ADIPOR2: variants seen among roughly 807,000 people sequenced by gnomAD.
The protein encoded by ADIPOR2 is adiponectin receptor 2.
A neutral mutation model predicts 40.9 loss-of-function variants in ADIPOR2; 18 were observed. That is an observed-to-expected ratio of 0.44 (90% confidence interval 0.30 to 0.65). The LOEUF is 0.65. Ranked by LOEUF, ADIPOR2 falls within the 30% of genes least tolerant of loss-of-function variation. The pLI is 0.09. For synonymous variants in ADIPOR2, 165 were observed against 166.4 expected (o/e 0.99, Z 0.06); for missense variants, 283 against 479.2 (o/e 0.59, Z 3.82).
At chr12:1,718,248 CTT>C (rs929348885) in intron 1 of ADIPOR2, among the ~76,000 whole-genome samples, 4 of 151,992 alleles carry the variant, frequency 2.6e-5, no homozygotes, top group East Asian at 3.9e-4. Flanking sequence ...TAAAGTGACT[CTT>C]ATTTTAATCT....
chr12:1,705,834 A>C (rs150231608), intron 1 of ADIPOR2, among the ~76,000 whole-genome samples: 3 of 152,198 alleles, frequency 2.0e-5, no homozygotes, highest in Non-Finnish European at 4.4e-5. Context: ...TTGAAGTCCT[A>C]TAAGATGGTG....
Position 1,782,957 on chromosome 12 carries a change from TC to T in ADIPOR2, c.839-922del, listed in dbSNP as rs201429670. The stretch of plus-strand genomic sequence containing the variant: ...TTTTTTCTTCTTTTTTCTTTTCTTT[TC>T]TTTTTCTTTCTTTCTTTCTTTTTTT... On this transcript the variant is annotated intron_variant, in intron 6 of 7. Transcript: ENST00000357103. 2.4e-3 allele frequency among the ~76,000 whole-genome samples: 352 copies of T among 146,874 alleles called. 2 individuals are homozygous for T. Among genetic ancestry groups the T allele is most frequent in the African/African-American group, 8.9e-3 (338 of 38,106 alleles).
intron 1 of ADIPOR2, among the ~76,000 whole-genome samples, chr12:1,727,117 A>T (rs2094709507): frequency 6.6e-6 from 1 of 152,154 alleles, no homozygotes; most frequent in Admixed American, 6.5e-5. Flanking sequence ...GCAAACTCCA[A>T]CTCATTGGTT....
chr12:1,723,635 A>C (rs1277637224), intron 1 of ADIPOR2, among the ~76,000 whole-genome samples: 4 of 151,078 alleles, frequency 2.6e-5, no homozygotes, highest in South Asian at 4.3e-4. Flanking sequence ...GCAAGACTCC[A>C]TCTCAAAAAC....
chr12:1,753,895 AG>A (rs993036251), intron 1 of ADIPOR2, among the ~76,000 whole-genome samples: 12 of 152,312 alleles, frequency 7.9e-5, no homozygotes, highest in Middle Eastern at 6.8e-3. Context: ...AAAAAAATGC[AG>A]GCAGAACAAA....
At chr12:1,773,015 CAG>C in intron 3 of ADIPOR2, 54 bp downstream of exon 3, 3 of 1,585,304 alleles carry the variant, frequency 1.9e-6, no homozygotes, top group East Asian at 2.2e-5. Flanking sequence ...CCTTCCAAAA[CAG>C]AAACCTTTAA....
chr12:1,782,458 G>C (rs918530202), intron 6 of ADIPOR2, among the ~76,000 whole-genome samples: 8 of 152,174 alleles, frequency 5.3e-5, no homozygotes, highest in African/African-American at 1.9e-4. Flanking sequence ...GAGCTCCTGT[G>C]TTGCTTTGGC....
At chr12:1,731,522 C>T (rs1363488490) in intron 1 of ADIPOR2, among the ~76,000 whole-genome samples, 1 of 152,206 alleles carries the variant, frequency 6.6e-6, no homozygotes, top group Non-Finnish European at 1.5e-5. Context: ...GTTCTCTTCT[C>T]CCAGTTCCTG....
At chr12:1,773,573 G>GA (rs1862530565) in intron 3 of ADIPOR2, among the ~76,000 whole-genome samples, 1 of 143,614 alleles carries the variant, frequency 7.0e-6, no homozygotes, top group African/African-American at 2.6e-5. Context: ...CCTGCTTAGA[G>GA]AAAATAGACA....
At chr12:1,742,867 A>G (rs115926613) in intron 1 of ADIPOR2, among the ~76,000 whole-genome samples, 134 of 152,352 alleles carry the variant, frequency 8.8e-4, no homozygotes, top group African/African-American at 2.9e-3. Flanking sequence ...TACAAAAGCA[A>G]GGCAAGTGTG....
At chr12:1,756,356 G>A (rs1862130978) in intron 2 of ADIPOR2, among the ~76,000 whole-genome samples, 1 of 151,772 alleles carries the variant, frequency 6.6e-6, no homozygotes, top group South Asian at 2.1e-4. Flanking sequence ...TCACCATGTT[G>A]GCCAGGCTGG....
At chr12:1,738,079 T>C (rs1234201373) in intron 1 of ADIPOR2, among the ~76,000 whole-genome samples, 2 of 151,888 alleles carry the variant, frequency 1.3e-5, no homozygotes, top group African/African-American at 4.8e-5. Context: ...CTTATTAGTT[T>C]TAGTAGTTTA....
chr12:1,731,787 C>T (rs2094720862), intron 1 of ADIPOR2, among the ~76,000 whole-genome samples: 1 of 152,192 alleles, frequency 6.6e-6, no homozygotes, highest in African/African-American at 2.4e-5. Context: ...TGGTGAAACC[C>T]TGTCTTTACT....
At chr12:1,738,620 T>C (rs984800631) in intron 1 of ADIPOR2, among the ~76,000 whole-genome samples, 5 of 152,200 alleles carry the variant, frequency 3.3e-5, no homozygotes, top group African/African-American at 7.2e-5. Context: ...GACCATCTTA[T>C]CTTGAATTGC....
At chr12:1,705,943 TCA>T (rs1345073268) in intron 1 of ADIPOR2, among the ~76,000 whole-genome samples, 2 of 152,208 alleles carry the variant, frequency 1.3e-5, no homozygotes, top group Admixed American at 6.5e-5. Context: ...TCCGTGAACC[TCA>T]GTTTCTTCAT....
chr12:1,781,134 T>A (rs556055247), intron 6 of ADIPOR2, 58 bp downstream of exon 6: 6 of 1,451,950 alleles, frequency 4.1e-6, no homozygotes, highest in Non-Finnish European at 5.5e-6. Context: ...TTAAATTCAC[T>A]ATTTATTAAA....
Position 1,723,209 on chromosome 12 carries a change from G to A in ADIPOR2, c.-86-31049G>A, listed in dbSNP as rs530416394. 8.5e-5 allele frequency among the ~76,000 whole-genome samples: 13 copies of A among 152,292 alleles called. 1 individual carries two copies. Among genetic ancestry groups the A allele is most frequent in the Admixed American group, 2.0e-4 (3 of 15,294 alleles). ...CCTGTCAAAGCTATCTATGGCATAT[G>A]AATCGAACATGGATCATGTTTAATT... On this transcript the variant is annotated intron_variant, in intron 1 of 7. Coordinates refer to ENST00000357103, the MANE Select transcript of ADIPOR2 (RefSeq NM_024551.3).
chr12:1,764,248 G>A (rs1292133877), intron 2 of ADIPOR2, among the ~76,000 whole-genome samples: 8 of 151,972 alleles, frequency 5.3e-5, no homozygotes, highest in Admixed American at 5.2e-4. Context: ...TTTGTAATGG[G>A]ATAAAAAATG....
chr12:1,720,911 G>T (rs2094696602), intron 1 of ADIPOR2, among the ~76,000 whole-genome samples: 1 of 152,194 alleles, frequency 6.6e-6, no homozygotes, highest in South Asian at 2.1e-4. Flanking sequence ...CACTGAGATA[G>T]ATACATATCT....
Sources: allele counts gnomAD v4.1 joint callset (sites outside exome capture counted in the v4.1 genomes callset), GRCh38; gene constraint gnomAD v4.1.1; transcripts MANE v1.5; gene names NCBI Gene and HGNC (gene_info 2026-07-23, HGNC 2026-07-21).